Variants in ATXN10 observed in about 807,000 individuals in gnomAD.
ATXN10 encodes ataxin-10.
ATXN10 carries 28 observed loss-of-function variants against 52.9 expected under a neutral mutation model. The ratio of observed to expected loss-of-function variants is 0.53; its 90% CI spans 0.39 to 0.73. The LOEUF (loss-of-function observed/expected upper bound fraction) is 0.73. Ranked by LOEUF, ATXN10 falls within the 30% of genes least tolerant of loss-of-function variation. ATXN10 has a pLI of 0.00. For missense variants in ATXN10, 565 were observed against 577.0 expected, an observed-to-expected ratio of 0.98 and a Z score of 0.21; for synonymous variants, 226 against 221.5, an observed-to-expected ratio of 1.02 and a Z score of -0.18.
intron 9 of ATXN10, among the ~76,000 whole-genome samples, chr22:45,771,225 A>G (rs2146841071): frequency 1.3e-5 from 2 of 152,194 alleles, no homozygotes; most frequent in East Asian, 3.8e-4. Context: ...ATGCATAAAC[A>G]ATGGTACATC....
At chr22:45,731,728 A>C (rs1158417901) in intron 7 of ATXN10, among the ~76,000 whole-genome samples, 1 of 152,208 alleles carries the variant, frequency 6.6e-6, no homozygotes, top group Admixed American at 6.5e-5. Flanking sequence ...CTCGCCCACG[A>C]GAGTGTATTT....
intron 9 of ATXN10, chr22:45,792,872 T>G (rs943863600): frequency 5.9e-6 from 3 of 505,070 alleles, no homozygotes; most frequent in African/African-American, 3.9e-5. Context: ...TTTTACTGAC[T>G]TTGTTAAATT....
At chr22:45,797,682 T>G (rs1397343392) in intron 9 of ATXN10, among the ~76,000 whole-genome samples, 1 of 152,106 alleles carries the variant, frequency 6.6e-6, no homozygotes, top group Non-Finnish European at 1.5e-5. Context: ...AGAAAAGAAT[T>G]AACAAAGATA....
chr22:45,734,438 A>T (rs1260246290), intron 7 of ATXN10: 1 of 243,118 alleles, frequency 4.1e-6, no homozygotes, highest in Non-Finnish European at 8.9e-6. Context: ...TTTTTGTTTG[A>T]ATTTATTTCT....
At position 45,728,410 on chromosome 22, in the gene ATXN10, A is replaced by G. The variant is rs111554905; in HGVS notation, c.729-1015A>G. Reference sequence around the variant, plus strand: ...CGTTTTAGGAGTTTTGAGAATTGCTAAGGTCTGTAGGTGATTTTTCCAGAC... The same window carrying G: ...CGTTTTAGGAGTTTTGAGAATTGCTGAGGTCTGTAGGTGATTTTTCCAGAC... On this transcript the variant is annotated intron_variant, in intron 6 of 11. Coordinates refer to ENST00000252934, the MANE Select transcript of ATXN10 (RefSeq NM_013236.4). This position sits in a 1 kb window ranked among gnomAD's most constrained non-coding sequence, Gnocchi z 4.3. Among the ~76,000 whole-genome samples, 112 of 152,296 alleles carry G rather than the reference A, an allele frequency of 7.4e-4. No individual in the cohort carries two copies. The highest frequency in any genetic ancestry group is 2.1e-3 in the African/African-American group (89 of 41,564).
intron 9 of ATXN10, among the ~76,000 whole-genome samples, chr22:45,776,492 C>T (rs9626197): frequency 0.04 from 6,068 of 151,674 alleles, 443 homozygotes; most frequent in African/African-American, 0.14. Flanking sequence ...ATATAATTTG[C>T]ACTCCCTGAT....
Position 45,774,083 on chromosome 22 carries a change from A to G in ATXN10, c.1174-32876A>G, listed in dbSNP as rs1039571884. On this transcript the variant is annotated intron_variant, in intron 9 of 11. Transcript: ENST00000252934. This position sits in a 1 kb window ranked among gnomAD's most constrained non-coding sequence, Gnocchi z 6.2. ...CAGACAGAAAGAACCATTTGATGCCATGTGCTTCAGCCAGCACCATTTCAG... is the reference window on the plus strand; with the variant it reads ...CAGACAGAAAGAACCATTTGATGCCGTGTGCTTCAGCCAGCACCATTTCAG... 6.6e-6 allele frequency among the ~76,000 whole-genome samples: 1 copy of G among 152,222 alleles called. No individual in the cohort carries two copies. Among genetic ancestry groups the G allele is most frequent in the Non-Finnish European group, 1.5e-5 (1 of 68,032 alleles).
At chr22:45,672,854 G>C (rs1922525233) in intron 1 of ATXN10, 1 of 152,242 alleles carries the variant, frequency 6.6e-6, no homozygotes, top group Non-Finnish European at 1.5e-5. Context: ...TTACTGTGCA[G>C]TTTCTCCAGG....
rs1357797051 is a variant in ATXN10, at chr22:45,732,710, TA to T, written c.894+3123del. ...GCTTAGAAATTTGTGAGCTGATTGT[TA>T]AATTGTTGGTACCTTGAAATCATCC... On this transcript the variant is annotated intron_variant, in intron 7 of 11. Transcript: ENST00000252934. The surrounding 1 kb of genome is among the most constrained non-coding windows in gnomAD (Gnocchi z 4.5). Among the ~76,000 whole-genome samples, 1 of 152,180 alleles carries T rather than the reference TA, an allele frequency of 6.6e-6. No individual in the cohort carries two copies. The highest frequency in any genetic ancestry group is 1.5e-5 in the Non-Finnish European group (1 of 68,026).
At chr22:45,791,707 G>A (rs1927517506) in intron 9 of ATXN10, among the ~76,000 whole-genome samples, 1 of 152,220 alleles carries the variant, frequency 6.6e-6, no homozygotes, top group South Asian at 2.1e-4. Context: ...AGGGGAAGGG[G>A]ATCTATTTTC....
intron 10 of ATXN10, among the ~76,000 whole-genome samples, chr22:45,829,086 GTAA>G (rs1487258676): frequency 6.6e-6 from 1 of 152,168 alleles, no homozygotes; most frequent in Non-Finnish European, 1.5e-5. Context: ...ATTGATCAGT[GTAA>G]TACACCACAT....
At position 45,818,484 on chromosome 22, in the gene ATXN10, C is replaced by G. The variant is rs1351037169; in HGVS notation, c.1237+11462C>G. Among the ~76,000 whole-genome samples, 1 of 152,142 alleles carries G rather than the reference C, an allele frequency of 6.6e-6. No individual in the cohort carries two copies. The highest frequency in any genetic ancestry group is 1.5e-5 in the Non-Finnish European group (1 of 68,032). ...AAGCAAGACTCTGCATGCTTATTCT[C>G]ACATCAGTCAGAAGACGCCAGCCTG... On this transcript the variant is annotated intron_variant, in intron 10 of 11. Transcript: ENST00000252934. The surrounding 1 kb of genome is among the most constrained non-coding windows in gnomAD (Gnocchi z 4.6).
intron 9 of ATXN10, among the ~76,000 whole-genome samples, chr22:45,768,302 C>T (rs1487718289): frequency 1.3e-5 from 2 of 151,694 alleles, no homozygotes; most frequent in African/African-American, 2.4e-5. Context: ...AGAAAGTTGC[C>T]AAAGTCCCCC....
chr22:45,743,018 T>C (rs1247267592), intron 9 of ATXN10, among the ~76,000 whole-genome samples: 3 of 152,226 alleles, frequency 2.0e-5, no homozygotes, highest in Non-Finnish European at 4.4e-5. Flanking sequence ...GCAGTAACCC[T>C]TAAAAGGCTT....
rs188517419 is a variant in ATXN10 at position 45,820,849 on chromosome 22, G to A, written c.1237+13827G>A. Among the ~76,000 whole-genome samples the A allele has an allele frequency of 2.6e-5, 4 of 152,286 alleles. No homozygotes were observed. Among genetic ancestry groups the A allele is most frequent in the Admixed American group, 2.6e-4 (4 of 15,286 alleles). Reference sequence around the variant, plus strand: ...TCTTCAGGGTTAACTGAGCACAGCCGAAAACAGGCCCTGTGCTGTGAAAGA... The same window carrying A: ...TCTTCAGGGTTAACTGAGCACAGCCAAAAACAGGCCCTGTGCTGTGAAAGA... On this transcript the variant is annotated intron_variant, in intron 10 of 11. Transcript: ENST00000252934. The surrounding 1 kb of genome is among the most constrained non-coding windows in gnomAD (Gnocchi z 4.9).
chr22:45,753,378 T>G (rs1366203149), intron 9 of ATXN10, among the ~76,000 whole-genome samples: 2 of 3,634 alleles, frequency 5.5e-4, no homozygotes, highest in East Asian at 0.014. Flanking sequence ...TCTTACCAGC[T>G]TTTTTTTTTT....
intron 1 of ATXN10, among the ~76,000 whole-genome samples, chr22:45,687,763 A>G (rs1425260140): frequency 6.6e-6 from 1 of 152,088 alleles, no homozygotes; most frequent in East Asian, 2.0e-4. Context: ...AGCTACCTTA[A>G]GAATGTTAGT....
In ATXN10 at chr22:45,783,488, G is replaced by A. The variant is rs1927220101; in HGVS notation, c.1174-23471G>A. On this transcript the variant is annotated intron_variant, in intron 9 of 11. Coordinates refer to ENST00000252934, the MANE Select transcript of ATXN10 (RefSeq NM_013236.4). This position sits in a 1 kb window ranked among gnomAD's most constrained non-coding sequence, Gnocchi z 5.0. ...TTGCTTTCAGGACAAAGTTAAAACT[G>A]GTAAGCTTGGCCTTCAGGGCTGCCC... 6.6e-6 allele frequency among the ~76,000 whole-genome samples: 1 copy of A among 152,192 alleles called. No individual in the cohort carries two copies. Among genetic ancestry groups the A allele is most frequent in the Admixed American group, 6.5e-5 (1 of 15,276 alleles).
chr22:45,686,362 T>C (rs1923135395), intron 1 of ATXN10, among the ~76,000 whole-genome samples: 1 of 152,228 alleles, frequency 6.6e-6, no homozygotes. Flanking sequence ...TCTCCATTTT[T>C]CAAGGACTTA....
Sources: gnomAD v4.1 joint callset for allele counts (sites outside exome capture counted in the v4.1 genomes callset) on GRCh38, gnomAD v4.1.1 for gene constraint, Gnocchi (gnomAD v3.1) non-coding constraint, MANE v1.5 for transcripts, NCBI Gene and HGNC (gene_info 2026-07-23, HGNC 2026-07-21) for gene names.